BSN: variants seen among roughly 807,000 people sequenced by gnomAD.
BSN encodes the protein protein bassoon.
BSN carries 57 observed loss-of-function variants against 264.8 expected under a neutral mutation model. That is an observed-to-expected ratio of 0.22 (90% CI 0.17 to 0.27). BSN has a LOEUF of 0.27. Ranked by LOEUF, BSN falls within the 10% of genes least tolerant of loss-of-function variation. The pLI is 1.00. For synonymous variants in BSN, 2,059 were observed against 2,137.3 expected, an observed-to-expected ratio of 0.96 and a Z score of 1.01; for missense variants, 4,615 against 5,232.5, an observed-to-expected ratio of 0.88 and a Z score of 3.64.
At chr3:49,602,655 A>G (rs1024402636) in intron 1 of BSN, among the ~76,000 whole-genome samples, 2 of 152,066 alleles carry the variant, frequency 1.3e-5, no homozygotes, top group Non-Finnish European at 2.9e-5. Flanking sequence ...CATGTTGGCC[A>G]GGCTGGTCTT....
intron 1 of BSN, among the ~76,000 whole-genome samples, chr3:49,586,265 A>G (rs2051936666): frequency 1.3e-5 from 2 of 152,164 alleles, no homozygotes; most frequent in South Asian, 2.1e-4. Context: ...TTATTTTTGT[A>G]TATGATGAGA....
intron 3 of BSN, 50 bp downstream of exon 3, chr3:49,643,202 C>T: frequency 6.4e-7 from 1 of 1,551,862 alleles, no homozygotes; most frequent in Admixed American, 1.9e-5. Flanking sequence ...AGAGGCCGGG[C>T]CTGGGTAGTG....
rs1310235341 is a variant in BSN, at chr3:49,670,691, C to G, written c.*3206C>G. 6.6e-6 allele frequency: 1 copy of G among 152,392 alleles called. No homozygotes were observed. The highest frequency in any genetic ancestry group is 1.5e-5 in the Non-Finnish European group (1 of 68,146). The allele number at this position is 152,392 out of a possible 1,614,324, so 9.4% of individuals were successfully genotyped here. A position where few individuals can be genotyped will look rare whatever the true frequency, so the allele number is the denominator to read the frequency against. ...CAGCCCAGGCCTTCTCCATACCCCT[C>G]TCCCCAGCATCATGAGCAAGGGCAT... On this transcript the variant is annotated 3_prime_UTR_variant, in exon 12 of 12. Transcript: ENST00000296452.
At chr3:49,628,024 G>T (rs1402218114) in intron 2 of BSN, among the ~76,000 whole-genome samples, 1 of 152,164 alleles carries the variant, frequency 6.6e-6, no homozygotes, top group Non-Finnish European at 1.5e-5. Flanking sequence ...GTGTCGGCAG[G>T]ATGCGTTGTT....
Position 49,656,634 on chromosome 3 carries a change from T to C in BSN, c.7078T>C (p.Ser2360Pro). The C allele has an allele frequency of 6.2e-7, 1 of 1,609,534 alleles. No homozygotes were observed. Among genetic ancestry groups the C allele is most frequent in the South Asian group, 1.1e-5 (1 of 90,550 alleles). Residue 2360 changes from serine (S) to proline (P), a missense_variant, in exon 5 of 12, where the codon TCA becomes CCA. Around this residue, in one of 3 missense-constraint regions of BSN, gnomAD observed 3,415 missense variants for 3,866.4 expected, o/e 0.88. Coordinates refer to ENST00000296452, the MANE Select transcript of BSN (RefSeq NM_003458.4). ...GCCAGGGTTCGAGAAAGAGGAAGCA[T>C]CACAGGAGGAGAGGCAGCGGAAGCA... ...SRPGFEKEEA[S>P]QEERQRKQQE...
chr3:49,592,608 G>A (rs1346248765), intron 1 of BSN, among the ~76,000 whole-genome samples: 3 of 150,994 alleles, frequency 2.0e-5, no homozygotes, highest in Admixed American at 6.6e-5. Context: ...AAAATTAGCC[G>A]GGCGTGGTGG....
chr3:49,571,601 T>C (rs2051795802), intron 1 of BSN, among the ~76,000 whole-genome samples: 1 of 152,134 alleles, frequency 6.6e-6, no homozygotes, highest in Admixed American at 6.5e-5. Context: ...CCCACTTTGG[T>C]AGTGCACTCA....
At chr3:49,575,437 AATATATATGTGTGTATATATGTAAAT>A (rs1559595681) in intron 1 of BSN, among the ~76,000 whole-genome samples, 1 of 146,256 alleles carries the variant, frequency 6.8e-6, no homozygotes, top group East Asian at 2.0e-4. Context: ...TATATATGTA[AATATATATGTGTGTATATATGTAAAT>A]ATATATATGT....
intron 1 of BSN, among the ~76,000 whole-genome samples, chr3:49,605,955 A>G (rs2052134289): frequency 2.7e-5 from 2 of 72,802 alleles, no homozygotes; most frequent in Admixed American, 2.5e-4. Context: ...ATATATATAA[A>G]TATATAATAA....
chr3:49,660,752 G>A lies in BSN; in HGVS notation c.8907G>A (p.Glu2969=), dbSNP rs2052647052. The part of the protein sequence containing the change: ...RKKQAELDEE[E]KEIDAKLKYL... ...AGCAGGCAGAGCTGGATGAGGAGGAGAAGGAGATTGACGCCAAGCTCAAGT... is the reference window on the plus strand; with the variant it reads ...AGCAGGCAGAGCTGGATGAGGAGGAAAAGGAGATTGACGCCAAGCTCAAGT... The change falls in exon 6 of 12, where the codon GAG becomes GAA. Residue 2969 remains glutamate, a synonymous_variant. Transcript: ENST00000296452. This position sits in a 1 kb window ranked among gnomAD's most constrained non-coding sequence, Gnocchi z 7.1. The A allele has an allele frequency of 1.9e-6, 3 of 1,613,230 alleles. No homozygotes were observed. Among genetic ancestry groups the A allele is most frequent in the East Asian group, 2.2e-5 (1 of 44,886 alleles).
At chr3:49,567,072 T>C (rs2051757461) in intron 1 of BSN, among the ~76,000 whole-genome samples, 1 of 152,112 alleles carries the variant, frequency 6.6e-6, no homozygotes, top group Admixed American at 6.6e-5. Flanking sequence ...GAAGATGCCC[T>C]CCAAACTGGG....
At chr3:49,556,064 A>G (rs1033355063) in intron 1 of BSN, among the ~76,000 whole-genome samples, 2 of 152,234 alleles carry the variant, frequency 1.3e-5, no homozygotes, top group Non-Finnish European at 2.9e-5. Context: ...CTATAATAGT[A>G]ATGCAGTTGG....
rs2052477544 is a variant in BSN, at chr3:49,643,005, C to A, written c.1371C>A (p.Thr457=). The change falls in exon 3 of 12, where the codon ACC becomes ACA. Residue 457 remains threonine (T), a synonymous_variant. Coordinates refer to ENST00000296452, the MANE Select transcript of BSN (RefSeq NM_003458.4). ...AASKAAAKPK[T]MPKERAICPL... is the part of the protein sequence containing the mutation. ...CGAAGGCTGCTGCCAAGCCAAAGAC[C>A]ATGCCGAAGGAAAGGGCCATCTGCC... 1 of 1,614,108 alleles carries A rather than the reference C, an allele frequency of 6.2e-7. No individual in the cohort carries two copies. Among genetic ancestry groups the A allele is most frequent in the Non-Finnish European group, 8.5e-7 (1 of 1,180,020 alleles).
intron 1 of BSN, among the ~76,000 whole-genome samples, chr3:49,580,119 C>A (rs1314903185): frequency 1.3e-5 from 2 of 151,990 alleles, no homozygotes; most frequent in Non-Finnish European, 1.5e-5. Flanking sequence ...TTGTTTATTT[C>A]ATTTTATTTA....
intron 3 of BSN, among the ~76,000 whole-genome samples, chr3:49,646,323 A>T (rs1373204726): frequency 6.6e-6 from 1 of 152,230 alleles, no homozygotes; most frequent in Non-Finnish European, 1.5e-5. Context: ...AGTTCAAAAT[A>T]GAGTTTGTGA....
At chr3:49,623,911 A>C (rs947452145) in intron 1 of BSN, among the ~76,000 whole-genome samples, 3 of 152,216 alleles carry the variant, frequency 2.0e-5, no homozygotes, top group African/African-American at 7.2e-5. Flanking sequence ...AAAAATACTA[A>C]TGCCAGGGTC....
intron 1 of BSN, among the ~76,000 whole-genome samples, chr3:49,618,711 GC>G (rs1173791407): frequency 6.6e-6 from 1 of 152,154 alleles, no homozygotes; most frequent in African/African-American, 2.4e-5. Context: ...TGCCTAGCAT[GC>G]CCTGTCACCT....
chr3:49,595,492 CA>C (rs1179129094), intron 1 of BSN, among the ~76,000 whole-genome samples: 1 of 151,328 alleles, frequency 6.6e-6, no homozygotes, highest in African/African-American at 2.4e-5. Context: ...CCCGGCCTCA[CA>C]ATTTTTTTTT....
intron 1 of BSN, among the ~76,000 whole-genome samples, chr3:49,595,544 T>G (rs1461088279): frequency 6.6e-6 from 1 of 151,744 alleles, no homozygotes; most frequent in East Asian, 1.9e-4. Context: ...CAGGCTGGAG[T>G]GCAGTGGCAT....
Sources: allele counts gnomAD v4.1 joint callset (sites outside exome capture counted in the v4.1 genomes callset), GRCh38; gene constraint gnomAD v4.1.1; regional missense constraint gnomAD v4.1.1; non-coding constraint Gnocchi (gnomAD v3.1); transcripts MANE v1.5; gene names NCBI Gene and HGNC (gene_info 2026-07-23, HGNC 2026-07-21).